The following PRKCA variants were observed in gnomAD, a reference collection of about 807,000 sequenced individuals.
PRKCA encodes the protein protein kinase C alpha type.
Under a neutral mutation model 87.0 loss-of-function variants are expected in PRKCA, and 27 were observed. The ratio of observed to expected loss-of-function variants is 0.31; its 90% CI spans 0.23 to 0.43. PRKCA has a LOEUF of 0.43. PRKCA is among the 20% of genes least tolerant of loss of function. The pLI is 1.00. For missense variants in PRKCA, 518 were observed against 852.3 expected (o/e 0.61, Z 4.88); for synonymous variants, 329 against 311.1 (o/e 1.06, Z -0.61).
At chr17:66,725,050 C>T (rs1973709061) in intron 8 of PRKCA, among the ~76,000 whole-genome samples, 1 of 152,166 alleles carries the variant, frequency 6.6e-6, no homozygotes, top group African/African-American at 2.4e-5. Context: ...GAAACCCTTC[C>T]AAGGGCATGG....
chr17:66,621,884 TC>T (rs1970691806), intron 3 of PRKCA, among the ~76,000 whole-genome samples: 1 of 151,974 alleles, frequency 6.6e-6, no homozygotes, highest in Non-Finnish European at 1.5e-5. Flanking sequence ...ATTCAGAGAG[TC>T]AGCAAGAAGA....
At chr17:66,569,345 G>A (rs1968996593) in intron 3 of PRKCA, among the ~76,000 whole-genome samples, 1 of 140,980 alleles carries the variant, frequency 7.1e-6, no homozygotes, top group Non-Finnish European at 1.5e-5. Context: ...AGGCAGGCGG[G>A]GATCGCCTGA....
At chr17:66,507,166 T>G (rs1465768167) in intron 3 of PRKCA, among the ~76,000 whole-genome samples, 1 of 152,222 alleles carries the variant, frequency 6.6e-6, no homozygotes, top group Non-Finnish European at 1.5e-5. Context: ...AAACAACTTA[T>G]CCTTAGTGGG....
chr17:66,440,601 G>T (rs1913683052), intron 2 of PRKCA, among the ~76,000 whole-genome samples: 1 of 152,138 alleles, frequency 6.6e-6, no homozygotes, highest in African/African-American at 2.4e-5. Flanking sequence ...TAGGATGCTG[G>T]AAGTGCATAC....
At chr17:66,304,100 G>A (rs1381868911) in intron 1 of PRKCA, among the ~76,000 whole-genome samples, 2 of 152,170 alleles carry the variant, frequency 1.3e-5, no homozygotes, top group African/African-American at 4.8e-5. Context: ...AAGGGCCAGA[G>A]GTCAGAGATC....
At chr17:66,773,250 T>G (rs1974979653) in intron 13 of PRKCA, among the ~76,000 whole-genome samples, 1 of 152,240 alleles carries the variant, frequency 6.6e-6, no homozygotes, top group African/African-American at 2.4e-5. Context: ...GTTTCAAATT[T>G]TCTTTGTTGC....
chr17:66,411,472 C>A (rs540921754), intron 2 of PRKCA, among the ~76,000 whole-genome samples: 58 of 152,210 alleles, frequency 3.8e-4, no homozygotes, highest in African/African-American at 1.4e-3. Flanking sequence ...AAACAAAAAA[C>A]CATGAAAACC....
intron 3 of PRKCA, among the ~76,000 whole-genome samples, chr17:66,637,766 A>T (rs79737216): frequency 6.6e-6 from 1 of 152,160 alleles, no homozygotes; most frequent in Non-Finnish European, 1.5e-5. Flanking sequence ...CACAAGGATC[A>T]CTGGCAGGAT....
At chr17:66,585,494 A>C (rs1969565442) in intron 3 of PRKCA, among the ~76,000 whole-genome samples, 3 of 152,314 alleles carry the variant, frequency 2.0e-5, no homozygotes, top group African/African-American at 7.2e-5. Flanking sequence ...TGCCTAAATA[A>C]TTTCTTTCTA....
At position 66,798,012 on chromosome 17, in the gene PRKCA, C is replaced by T. The variant is rs1006592921; in HGVS notation, c.1855-5861C>T. Among the ~76,000 whole-genome samples the T allele has an allele frequency of 5.9e-5, 9 of 152,340 alleles. No homozygotes were observed. The South Asian group carries it at 6.2e-4, about 11-fold the overall frequency. ...GAGGCCATGGACAGCCACACCTGCC[C>T]GCTGTCACAGACTGCTGTAGAGGCT... On this transcript the variant is annotated intron_variant, in intron 16 of 16. Coordinates refer to ENST00000413366, the MANE Select transcript of PRKCA (RefSeq NM_002737.3).
intron 3 of PRKCA, among the ~76,000 whole-genome samples, chr17:66,582,819 G>C (rs41493450): frequency 0.17 from 25,284 of 152,056 alleles, 2,451 homozygotes; most frequent in African/African-American, 0.27. Context: ...TTTCAGATTG[G>C]TAGGCTGATT....
intron 15 of PRKCA, among the ~76,000 whole-genome samples, chr17:66,787,983 G>A (rs1408672805): frequency 1.3e-5 from 2 of 152,168 alleles, no homozygotes; most frequent in Non-Finnish European, 2.9e-5. Context: ...TTTGGTTTGA[G>A]GCTGTTACAA....
intron 3 of PRKCA, among the ~76,000 whole-genome samples, chr17:66,498,997 T>C (rs995325082): frequency 1.3e-5 from 2 of 152,210 alleles, no homozygotes; most frequent in Non-Finnish European, 1.5e-5. Context: ...ACAGTCACAT[T>C]GGCGGTTAAG....
chr17:66,678,687 C>T (rs1389163047), intron 5 of PRKCA, among the ~76,000 whole-genome samples: 2 of 151,820 alleles, frequency 1.3e-5, no homozygotes, highest in Non-Finnish European at 1.5e-5. Context: ...AAGGACAGTC[C>T]CAGCCACCCA....
intron 2 of PRKCA, among the ~76,000 whole-genome samples, chr17:66,458,591 T>C (rs557827534): frequency 2.2e-4 from 34 of 152,074 alleles, no homozygotes; most frequent in Non-Finnish European, 4.6e-4. Context: ...AGCAATCCTC[T>C]TGCTTCAGCC....
intron 2 of PRKCA, among the ~76,000 whole-genome samples, chr17:66,419,402 T>G (rs1291184360): frequency 6.6e-6 from 1 of 152,360 alleles, no homozygotes; most frequent in South Asian, 2.1e-4. Flanking sequence ...TGTAACTGTG[T>G]TTCTTAAATG....
chr17:66,516,084 T>C (rs1195212603), intron 3 of PRKCA, among the ~76,000 whole-genome samples: 2 of 152,230 alleles, frequency 1.3e-5, no homozygotes, highest in Non-Finnish European at 1.5e-5. Context: ...AAGCAAAGCA[T>C]GTGTATTAAT....
chr17:66,671,746 G>T (rs1036464250), intron 5 of PRKCA, among the ~76,000 whole-genome samples: 3 of 152,216 alleles, frequency 2.0e-5, no homozygotes, highest in Non-Finnish European at 4.4e-5. Flanking sequence ...GATGGAGAAA[G>T]CCGAGTCGGG....
chr17:66,753,227 G>A (rs1974475859), intron 13 of PRKCA, among the ~76,000 whole-genome samples: 1 of 152,196 alleles, frequency 6.6e-6, no homozygotes, highest in Non-Finnish European at 1.5e-5. Flanking sequence ...GAGTCTGCAG[G>A]GCCAATGCCC....
Sources: gnomAD v4.1 joint callset for allele counts (sites outside exome capture counted in the v4.1 genomes callset) on GRCh38, gnomAD v4.1.1 for gene constraint, MANE v1.5 for transcripts, NCBI Gene and HGNC (gene_info 2026-07-23, HGNC 2026-07-21) for gene names.